CBLN2: variants seen among roughly 807,000 people sequenced by gnomAD.
CBLN2 encodes cerebellin-2.
A neutral mutation model predicts 15.0 loss-of-function variants in CBLN2; 7 were observed. The observed-to-expected ratio is 0.47, with a 90% CI of 0.27 to 0.88. The LOEUF is 0.88. Ranked by LOEUF, CBLN2 falls within the 40% of genes least tolerant of loss-of-function variation. CBLN2 has a pLI of 0.14. For missense variants in CBLN2, 242 were observed against 304.5 expected (o/e 0.79, Z 1.53); for synonymous variants, 149 against 135.2 (o/e 1.10, Z -0.71).
chr18:72,599,321 A>G (rs1453690237), intron 1 of CBLN2, among the ~76,000 whole-genome samples: 1 of 152,198 alleles, frequency 6.6e-6, no homozygotes. Context: ...TTAGATAAGA[A>G]TGGAGTTAAA....
At chr18:72,597,237 A>T (rs931818337) in intron 1 of CBLN2, among the ~76,000 whole-genome samples, 2 of 152,232 alleles carry the variant, frequency 1.3e-5, no homozygotes, top group Admixed American at 6.5e-5. Flanking sequence ...CACTGCAGCC[A>T]TATCTACATT....
rs565029643 is a variant in CBLN2 at position 72,544,120 on chromosome 18, T to A, written c.-355A>T. 6.7e-6 allele frequency: 1 copy of A among 149,438 alleles called. No individual in the cohort carries two copies. Among genetic ancestry groups the A allele is most frequent in the South Asian group, 2.2e-4 (1 of 4,494 alleles). 9.3% of individuals were successfully genotyped at this position (149,438 alleles called of 1,614,324 possible). A position where few individuals can be genotyped will look rare whatever the true frequency, so the allele number is the denominator to read the frequency against. On this transcript the variant is annotated 5_prime_UTR_variant, in exon 1 of 5. The change creates a new upstream start codon in the 5' untranslated region. Transcript: ENST00000269503. The stretch of plus-strand genomic sequence containing the variant: ...TCTTAATATTGAATGGCGTGACCAC[T>A]TTCATAATGACAGGAGCGAAAAAAA...
intron 1 of CBLN2, among the ~76,000 whole-genome samples, chr18:72,564,778 T>G (rs1568256936): frequency 6.6e-6 from 1 of 152,178 alleles, no homozygotes. Context: ...GGGAGAGATG[T>G]GAACATCCAG....
intron 1 of CBLN2, chr18:72,618,635 A>T: frequency 1.0e-6 from 1 of 976,206 alleles, no homozygotes; most frequent in Non-Finnish European, 1.6e-6. Flanking sequence ...CTAAGAGATT[A>T]TTTTGAACAG....
At chr18:72,584,285 T>C (rs2069426262) in intron 1 of CBLN2, among the ~76,000 whole-genome samples, 1 of 151,266 alleles carries the variant, frequency 6.6e-6, no homozygotes, top group Non-Finnish European at 1.5e-5. Flanking sequence ...CCCTCTTGGC[T>C]CTCTTCAGAA....
At chr18:72,550,877 G>C (rs180841007) in intron 1 of CBLN2, among the ~76,000 whole-genome samples, 1 of 152,010 alleles carries the variant, frequency 6.6e-6, no homozygotes, top group African/African-American at 2.4e-5. Context: ...TTATTTTTGT[G>C]CATTAAATAT....
At chr18:72,578,910 C>T (rs953118079) in intron 1 of CBLN2, among the ~76,000 whole-genome samples, 17 of 152,310 alleles carry the variant, frequency 1.1e-4, no homozygotes, top group African/African-American at 3.8e-4. Context: ...CTTCACCTTT[C>T]AATTCTTCTA....
intron 1 of CBLN2, chr18:72,618,348 G>A (rs1477099325): frequency 1.9e-5 from 9 of 479,334 alleles, no homozygotes; most frequent in Non-Finnish European, 3.1e-5. Flanking sequence ...AACAACCAAT[G>A]AGAGCCTGAA....
intron 1 of CBLN2, chr18:72,620,186 G>A (rs546976866): frequency 6.6e-6 from 1 of 152,326 alleles, no homozygotes; most frequent in African/African-American, 2.4e-5. Context: ...AGCTCAGTAA[G>A]CCCTTTGCCT....
intron 1 of CBLN2, among the ~76,000 whole-genome samples, chr18:72,604,997 G>T (rs1599019816): frequency 6.6e-6 from 1 of 152,310 alleles, no homozygotes; most frequent in East Asian, 1.9e-4. Context: ...GCCTGTCACA[G>T]AAGAAAAACT....
intron 1 of CBLN2, among the ~76,000 whole-genome samples, chr18:72,595,176 C>G (rs2069505119): frequency 6.6e-6 from 1 of 151,828 alleles, no homozygotes; most frequent in South Asian, 2.1e-4. Flanking sequence ...TTGCTATAAA[C>G]TACTTTCTTA....
At chr18:72,624,827 T>C (rs964469642) in intron 1 of CBLN2, among the ~76,000 whole-genome samples, 1 of 152,212 alleles carries the variant, frequency 6.6e-6, no homozygotes, top group African/African-American at 2.4e-5. Context: ...CTTTTTACTT[T>C]ACATACTATT....
intron 1 of CBLN2, among the ~76,000 whole-genome samples, chr18:72,576,852 GATAA>G (rs1344891606): frequency 6.7e-6 from 1 of 149,294 alleles, no homozygotes; most frequent in East Asian, 1.9e-4. Flanking sequence ...GAAAATTAGT[GATAA>G]ATATATATTA....
intron 1 of CBLN2, among the ~76,000 whole-genome samples, chr18:72,563,299 G>A (rs1032005337): frequency 6.6e-6 from 1 of 152,132 alleles, no homozygotes; most frequent in African/African-American, 2.4e-5. Context: ...AATTTAATGA[G>A]TTATTAATAT....
In CBLN2 at chr18:72,574,809, C is replaced by A. The variant is rs12604568; in HGVS notation, c.16-36037G>T. Among the ~76,000 whole-genome samples the A allele has an allele frequency of 0.046, 7,032 of 152,178 alleles. 799 individuals carry two copies. In the East Asian group the frequency reaches 0.5, roughly 11 times the overall value. Reference sequence around the variant, plus strand: ...GAGTAAATGAGCTAGGAAAGTATGTCATGATTACCATGAATCGCTAACGAC... The same window carrying A: ...GAGTAAATGAGCTAGGAAAGTATGTAATGATTACCATGAATCGCTAACGAC... On this transcript the variant is annotated intron_variant, in intron 1 of 2. Transcript: ENST00000581073.
chr18:72,549,989 T>C (rs1170929300), intron 1 of CBLN2, among the ~76,000 whole-genome samples: 1 of 152,176 alleles, frequency 6.6e-6, no homozygotes, highest in Non-Finnish European at 1.5e-5. Flanking sequence ...GTGAGATTTA[T>C]ATTTGGATCT....
At chr18:72,602,140 TC>T (rs1003813065) in intron 1 of CBLN2, among the ~76,000 whole-genome samples, 2 of 152,078 alleles carry the variant, frequency 1.3e-5, no homozygotes, top group African/African-American at 4.8e-5. Context: ...CCCCTTCCGG[TC>T]CCCCCAGAAG....
intron 1 of CBLN2, among the ~76,000 whole-genome samples, chr18:72,570,220 T>C (rs893637521): frequency 2.0e-5 from 3 of 152,066 alleles, no homozygotes; most frequent in African/African-American, 4.8e-5. Context: ...ATTTAATATG[T>C]ATTTTTGATT....
At chr18:72,595,862 G>A (rs1039311266) in intron 1 of CBLN2, among the ~76,000 whole-genome samples, 4 of 151,762 alleles carry the variant, frequency 2.6e-5, no homozygotes, top group Non-Finnish European at 5.9e-5. Flanking sequence ...TTAAGTTTCA[G>A]TTGGCATGGA....
Sources: gnomAD v4.1 joint callset for allele counts (sites outside exome capture counted in the v4.1 genomes callset) on GRCh38, gnomAD v4.1.1 for gene constraint, MANE v1.5 for transcripts, NCBI Gene and HGNC (gene_info 2026-07-23, HGNC 2026-07-21) for gene names.